The following MYOM2 variants were observed in gnomAD, a reference collection of about 807,000 sequenced individuals.
The protein encoded by MYOM2 is myomesin 2, also known as myomesin-2.
A neutral mutation model predicts 187.6 loss-of-function variants in MYOM2; 254 were observed. The observed-to-expected ratio is 1.35, with a 90% CI of 1.22 to 1.50. The LOEUF (loss-of-function observed/expected upper bound fraction) is 1.50. Ranked by LOEUF, MYOM2 falls within the 40% of genes most tolerant of loss-of-function variation. The pLI is 0.00. For missense variants in MYOM2, 2,796 were observed against 1,924.0 expected, an observed-to-expected ratio of 1.45 and a Z score of -8.48; for synonymous variants, 981 against 753.8, an observed-to-expected ratio of 1.30 and a Z score of -4.94.
At chr8:2,097,496 T>G (rs930518714) in intron 18 of MYOM2, among the ~76,000 whole-genome samples, 4 of 152,202 alleles carry the variant, frequency 2.6e-5, no homozygotes, top group African/African-American at 7.2e-5. Flanking sequence ...AGTGAGAACA[T>G]TTAAAATCTA....
chr8:2,098,897 T>G lies in MYOM2; in HGVS notation c.2354T>G (p.Ile785Ser). The change falls in exon 19 of 37, where the codon ATC (isoleucine) becomes AGC (serine). Residue 785 changes from isoleucine (I) to serine (S), a missense_variant. Ile to Ser is a moderately radical substitution (Grantham distance 142). Transcript: ENST00000262113. ...GAAGGCTCACTCTACGAGTTCAAAATCGCCGCCGTCAACCTGGCCGGCATC... is the reference window on the plus strand; with the variant it reads ...GAAGGCTCACTCTACGAGTTCAAAAGCGCCGCCGTCAACCTGGCCGGCATC... ...LTEGSLYEFK[I>S]AAVNLAGIGE... The G allele has an allele frequency of 6.2e-7, 1 of 1,613,106 alleles. No individual in the cohort carries two copies. Among genetic ancestry groups the G allele is most frequent in the South Asian group, 1.1e-5 (1 of 90,756 alleles).
At chr8:2,064,262 C>A (rs753908697) in intron 6 of MYOM2, among the ~76,000 whole-genome samples, 13 of 152,200 alleles carry the variant, frequency 8.5e-5, no homozygotes, top group African/African-American at 1.4e-4. Flanking sequence ...CAGGTCTTTG[C>A]GTTTGTTTAT....
At chr8:2,051,588 T>C (rs1025446426) in intron 2 of MYOM2, among the ~76,000 whole-genome samples, 6 of 152,220 alleles carry the variant, frequency 3.9e-5, no homozygotes, top group African/African-American at 1.4e-4. Context: ...CCATCCCTTG[T>C]GCCAAACAAA....
At chr8:2,126,596 AC>A (rs1797646769) in intron 31 of MYOM2, among the ~76,000 whole-genome samples, 1 of 152,086 alleles carries the variant, frequency 6.6e-6, no homozygotes, top group Admixed American at 6.5e-5. Context: ...AGACTCATAC[AC>A]AGGAGCCCTG....
chr8:2,115,363 A>G (rs1797205859), intron 25 of MYOM2, among the ~76,000 whole-genome samples: 1 of 152,254 alleles, frequency 6.6e-6, no homozygotes. Context: ...GATTACCTAA[A>G]TAGAACACAT....
intron 6 of MYOM2, among the ~76,000 whole-genome samples, chr8:2,061,377 C>T (rs796245086): frequency 6.6e-6 from 1 of 152,182 alleles, no homozygotes; most frequent in South Asian, 2.1e-4. Context: ...TCCAGCCTGG[C>T]AGAAAGTTGG....
chr8:2,075,927 T>G lies in MYOM2; in HGVS notation c.1121-214T>G, dbSNP rs1230282494. 2.0e-5 allele frequency among the ~76,000 whole-genome samples: 3 copies of G among 152,252 alleles called. No homozygotes were observed. In the South Asian group the frequency reaches 6.2e-4, roughly 31 times the overall value. ...TGTAGACTCAGTGTTTTATCAAGGA[T>G]TCTATGTTTTGAAGCTTTTTAATTC... On this transcript the variant is annotated intron_variant, in intron 10 of 36. Transcript: ENST00000262113.
rs3817697 is a variant in MYOM2 at position 2,076,202 on chromosome 8, C to T, written c.1182C>T (p.Ala394=). ...GAPMDLQCHD[A]NRDYVIVTWK... is the part of the protein sequence containing the mutation. ...CCATGGACTTGCAGTGCCACGACGC[C>T]AACCGGGACTACGTCATCGTGACCT... The change falls in exon 11 of 37, where the codon GCC becomes GCT. Residue 394 remains alanine (A), a synonymous_variant. Transcript: ENST00000262113. 135 of 1,613,596 alleles carry T rather than the reference C, an allele frequency of 8.4e-5. No individual in the cohort carries two copies. The East Asian group carries it at 3.0e-3, about 35-fold the overall frequency.
chr8:2,101,182 C>A, intron 20 of MYOM2, 128 bp downstream of exon 20: 1 of 903,014 alleles, frequency 1.1e-6, no homozygotes, highest in Non-Finnish European at 1.6e-6. Context: ...CCCGTCTCTA[C>A]TAAAAATACA....
chr8:2,078,311 G>T (rs1819504111), intron 11 of MYOM2, among the ~76,000 whole-genome samples: 1 of 152,188 alleles, frequency 6.6e-6, no homozygotes, highest in Non-Finnish European at 1.5e-5. Flanking sequence ...AGGCAGAGGG[G>T]GCTGAGCCTG....
intron 25 of MYOM2, among the ~76,000 whole-genome samples, chr8:2,115,506 C>G (rs1202311785): frequency 6.6e-6 from 1 of 152,220 alleles, no homozygotes; most frequent in East Asian, 1.9e-4. Context: ...TGATGGACCA[C>G]AGCAGGCTGG....
chr8:2,085,429 G>T (rs752840535), intron 14 of MYOM2, 39 bp downstream of exon 14: 2 of 1,604,688 alleles, frequency 1.2e-6, no homozygotes. Flanking sequence ...GTAGATCTCT[G>T]CATGGCCCCC....
chr8:2,054,352 G>A (rs972494345), intron 3 of MYOM2, among the ~76,000 whole-genome samples: 1 of 152,128 alleles, frequency 6.6e-6, no homozygotes, highest in Admixed American at 6.6e-5. Context: ...TGGAAGATAT[G>A]GCCCATTGGA....
intron 31 of MYOM2, among the ~76,000 whole-genome samples, chr8:2,125,891 C>T (rs1797619069): frequency 6.6e-6 from 1 of 151,878 alleles, no homozygotes; most frequent in Non-Finnish European, 1.5e-5. Context: ...GCTGGGATTA[C>T]ATGCTTGAGC....
intron 25 of MYOM2, among the ~76,000 whole-genome samples, chr8:2,110,117 G>C (rs774241528): frequency 2.0e-5 from 3 of 152,206 alleles, no homozygotes; most frequent in Non-Finnish European, 4.4e-5. Flanking sequence ...GATCCCAGGA[G>C]TTCAAGACCA....
At position 2,109,444 on chromosome 8, in the gene MYOM2, G is replaced by A. The variant is rs150501829; in HGVS notation, c.3093G>A (p.Arg1031=). Residue 1031 remains arginine (R), a synonymous_variant, in exon 25 of 37, where the codon CGG becomes CGA. Coordinates refer to ENST00000262113, the MANE Select transcript of MYOM2 (RefSeq NM_003970.4). ...CTTATGAGATTTTTGATAAGGGGCG[G>A]GTTCGCTTCTGGCTCCAGGCTGAGC... The part of the protein sequence containing the change: ...ELAYEIFDKG[R]VRFWLQAEHL... The A allele has an allele frequency of 6.2e-7, 1 of 1,612,640 alleles. No homozygotes were observed. The highest frequency in any genetic ancestry group is 8.5e-7 in the Non-Finnish European group (1 of 1,179,386).
intron 18 of MYOM2, among the ~76,000 whole-genome samples, chr8:2,097,614 A>C (rs920588294): frequency 6.6e-6 from 1 of 152,140 alleles, no homozygotes; most frequent in Non-Finnish European, 1.5e-5. Context: ...TCCTGGGTTC[A>C]AGCAATTCTC....
chr8:2,066,434 T>C (rs1413016716), intron 6 of MYOM2, among the ~76,000 whole-genome samples: 1 of 152,198 alleles, frequency 6.6e-6, no homozygotes, highest in Non-Finnish European at 1.5e-5. Flanking sequence ...TCTCATCTGC[T>C]GTGTTATTGC....
chr8:2,117,805 G>C, intron 27 of MYOM2, 80 bp from the exon 28 acceptor site: 1 of 869,228 alleles, frequency 1.2e-6, no homozygotes, highest in South Asian at 1.7e-5. Flanking sequence ...ATATGTGTGG[G>C]TATATATATA....
Sources: allele counts gnomAD v4.1 joint callset (sites outside exome capture counted in the v4.1 genomes callset), GRCh38; gene constraint gnomAD v4.1.1; transcripts MANE v1.5; gene names NCBI Gene and HGNC (gene_info 2026-07-23, HGNC 2026-07-21).